Variants in DMTN observed in about 807,000 individuals in gnomAD.
DMTN encodes dematin actin binding protein, also known as dematin.
A neutral mutation model predicts 59.4 loss-of-function variants in DMTN; 27 were observed. The observed-to-expected ratio is 0.45, with a 90% CI of 0.33 to 0.63. DMTN has a LOEUF of 0.63. Among genes scored for constraint, DMTN ranks in the 20% least tolerant of loss-of-function variants. DMTN has a pLI of 0.02. For synonymous variants in DMTN, 221 were observed against 203.7 expected (o/e 1.08, Z -0.72); for missense variants, 451 against 528.9 (o/e 0.85, Z 1.45).
upstream of DMTN, among the ~76,000 whole-genome samples, chr8:22,050,764 T>TCTGGGTCCCTGGGTCC (rs559247421): frequency 2.0e-4 from 31 of 152,098 alleles, no homozygotes; most frequent in East Asian, 5.2e-3. Context: ...TCTCTGGGTC[T>TCTGGGTCCCTGGGTCC]CTGGGTCCCT....
At chr8:22,056,572 G>C (rs1802689787), upstream of DMTN, among the ~76,000 whole-genome samples, 1 of 152,194 alleles carries the variant, frequency 6.6e-6, no homozygotes, top group South Asian at 2.1e-4. Flanking sequence ...GTGGGTGTGT[G>C]TGTGCGTGTG....
chr8:22,054,091 G>A (rs1368145412), upstream of DMTN, among the ~76,000 whole-genome samples: 1 of 130,246 alleles, frequency 7.7e-6, no homozygotes, highest in Non-Finnish European at 1.6e-5. Flanking sequence ...CCCTCTGAAC[G>A]CCCACCACCA....
chr8:22,064,497 C>T (rs547976029), intron 1 of DMTN, among the ~76,000 whole-genome samples: 21 of 151,828 alleles, frequency 1.4e-4, no homozygotes, highest in African/African-American at 2.9e-4. Flanking sequence ...CTCGCTCTGT[C>T]GCCCAGGCTG....
Position 22,077,214 on chromosome 8 carries a change from G to A in DMTN, c.836-2966G>A, listed in dbSNP as rs553705827. 2.0e-5 allele frequency among the ~76,000 whole-genome samples: 3 copies of A among 152,230 alleles called. No individual in the cohort carries two copies. In the South Asian group the frequency reaches 6.2e-4, roughly 32 times the overall value. The stretch of plus-strand genomic sequence containing the variant: ...TAGTGACAGAAGGTGGGAGGTGGGG[G>A]AGGTAGGAGGGGAATGAAGAAACTG... On this transcript the variant is annotated intron_variant, in intron 10 of 15. Transcript: ENST00000358242.
At chr8:22,071,869 C>T (rs1275547452) in intron 8 of DMTN, among the ~76,000 whole-genome samples, 1 of 152,110 alleles carries the variant, frequency 6.6e-6, no homozygotes, top group Admixed American at 6.6e-5. Flanking sequence ...CGTGAGTCCC[C>T]GCGCCCGGCC....
intron 10 of DMTN, among the ~76,000 whole-genome samples, chr8:22,077,871 A>G (rs986039326): frequency 4.6e-5 from 7 of 152,160 alleles, no homozygotes; most frequent in African/African-American, 1.7e-4. Context: ...TTGGAGGGGA[A>G]AATCTTCGTG....
At chr8:22,061,844 C>T (rs977554479) in intron 1 of DMTN, among the ~76,000 whole-genome samples, 4 of 151,004 alleles carry the variant, frequency 2.6e-5, no homozygotes, top group African/African-American at 9.8e-5. Context: ...GCCTCAAATC[C>T]CTGGGCTCAA....
chr8:22,079,277 A>ATATATATATATATATATATATAT (rs1238511445), intron 10 of DMTN, among the ~76,000 whole-genome samples: 3 of 27,672 alleles, frequency 1.1e-4, no homozygotes, highest in African/African-American at 2.4e-4. Context: ...TAAATAAATA[A>ATATATATATATATATATATATAT]ATATATATAT....
chr8:22,049,555 T>G (rs1801119779), upstream of DMTN, among the ~76,000 whole-genome samples: 1 of 129,510 alleles, frequency 7.7e-6, no homozygotes, highest in Non-Finnish European at 1.6e-5. Flanking sequence ...GGGGAGGTCT[T>G]CCTCGCAGGG....
At chr8:22,075,951 A>G (rs1215733016) in intron 10 of DMTN, among the ~76,000 whole-genome samples, 2 of 152,186 alleles carry the variant, frequency 1.3e-5, no homozygotes, top group Non-Finnish European at 1.5e-5. Flanking sequence ...GGGCTAAAAA[A>G]CGATGTGGGT....
intron 10 of DMTN, 23 bp from the exon 11 acceptor site, chr8:22,080,157 C>T (rs746279610): frequency 6.2e-7 from 1 of 1,613,886 alleles, no homozygotes; most frequent in African/African-American, 1.3e-5. Context: ...GGACTGAACT[C>T]AGGACCTTTT....
intron 14 of DMTN, 21 bp from the exon 15 acceptor site, chr8:22,081,092 T>TTGGGGGGGGGGGG: frequency 1.3e-6 from 2 of 1,547,316 alleles, no homozygotes; most frequent in Non-Finnish European, 1.8e-6. Flanking sequence ...AGCCTAAGAT[T>TTGGGGGGGGGGGG]GCCCCTCCCC....
intron 4 of DMTN, among the ~76,000 whole-genome samples, chr8:22,067,921 ACACAAGAGG>A (rs1164887899): frequency 1.3e-5 from 2 of 152,256 alleles, no homozygotes; most frequent in Admixed American, 1.3e-4. Context: ...TGGCAGCAAC[ACACAAGAGG>A]CACAAAGAGC....
chr8:22,076,636 G>C lies in DMTN; in HGVS notation c.835+2801G>C, dbSNP rs977529761. ...TATGTCACTATATATATATATACAC[G>C]ATATATATAGTGACATATATACACA... On this transcript the variant is annotated intron_variant, in intron 10 of 15. Coordinates refer to ENST00000358242, the MANE Select transcript of DMTN (RefSeq NM_001387751.1). Among the ~76,000 whole-genome samples the C allele has an allele frequency of 2.0e-5, 3 of 150,064 alleles. No individual in the cohort carries two copies. In the South Asian group the frequency reaches 6.3e-4, roughly 31 times the overall value.
chr8:22,060,093 C>A lies in DMTN; in HGVS notation c.-172+2957C>A, dbSNP rs1315307241. On this transcript the variant is annotated intron_variant, in intron 1 of 15. Coordinates refer to ENST00000358242, the MANE Select transcript of DMTN (RefSeq NM_001387751.1). The surrounding 1 kb of genome is among the most constrained non-coding windows in gnomAD (Gnocchi z 5.0). ...GCTGGCGTCCGACCAGGGCCAGGGGCAGCTGAGCTGTCCCTTCCGTCACCT... is the reference window on the plus strand; with the variant it reads ...GCTGGCGTCCGACCAGGGCCAGGGGAAGCTGAGCTGTCCCTTCCGTCACCT... Among the ~76,000 whole-genome samples the A allele has an allele frequency of 1.3e-5, 2 of 152,188 alleles. No homozygotes were observed. The highest frequency in any genetic ancestry group is 1.3e-4 in the Admixed American group (2 of 15,286).
chr8:22,080,341 A>G (rs1823329163), intron 11 of DMTN, 71 bp from the exon 12 acceptor site: 5 of 1,612,862 alleles, frequency 3.1e-6, no homozygotes, highest in Non-Finnish European at 3.4e-6. Flanking sequence ...GGGAGCGGGG[A>G]GACCCCCAAA....
intron 6 of DMTN, 135 bp downstream of exon 6, chr8:22,069,653 C>T (rs1448132557): frequency 2.2e-6 from 2 of 898,276 alleles, no homozygotes; most frequent in Non-Finnish European, 1.7e-6. Flanking sequence ...GAGGCCAGGA[C>T]CCCTCCCAGA....
rs1820075455 is a variant in DMTN at position 22,076,668 on chromosome 8, C to CAGTGACATATATATAT, written c.835+2849_835+2864dup. ...ATAGTGACATATATACACATATATA[C>CAGTGACATATATATAT]AGTGACATATATATATAGTGACATA... On this transcript the variant is annotated intron_variant, in intron 10 of 15. Transcript: ENST00000358242. 4.0e-5 allele frequency among the ~76,000 whole-genome samples: 6 copies of CAGTGACATATATATAT among 151,306 alleles called. No homozygotes were observed. In the South Asian group the frequency reaches 1.2e-3, roughly 31 times the overall value.
intron 14 of DMTN, 119 bp downstream of exon 14, chr8:22,080,989 TG>T: frequency 6.8e-7 from 1 of 1,481,286 alleles, no homozygotes. Context: ...GCAGGGAAGT[TG>T]GGGGAGACAG....
Sources: allele counts gnomAD v4.1 joint callset (sites outside exome capture counted in the v4.1 genomes callset), GRCh38; gene constraint gnomAD v4.1.1; non-coding constraint Gnocchi (gnomAD v3.1); transcripts MANE v1.5; gene names NCBI Gene and HGNC (gene_info 2026-07-23, HGNC 2026-07-21).